Variants in FAM135B observed in about 807,000 individuals in gnomAD.
The protein encoded by FAM135B is protein FAM135B.
A neutral mutation model predicts 127.7 loss-of-function variants in FAM135B; 43 were observed. That is an observed-to-expected ratio of 0.34 (90% confidence interval 0.26 to 0.43). The LOEUF (loss-of-function observed/expected upper bound fraction) is 0.43. Ranked by LOEUF, FAM135B falls within the 20% of genes least tolerant of loss-of-function variation. FAM135B has a pLI of 1.00. For synonymous variants in FAM135B, 670 were observed against 665.1 expected, an observed-to-expected ratio of 1.01 and a Z score of -0.11; for missense variants, 1,558 against 1,725.6, an observed-to-expected ratio of 0.90 and a Z score of 1.72.
At chr8:138,276,184 C>G (rs2130710166) in intron 3 of FAM135B, among the ~76,000 whole-genome samples, 1 of 152,300 alleles carries the variant, frequency 6.6e-6, no homozygotes, top group East Asian at 1.9e-4. Flanking sequence ...CATCAGGAGA[C>G]TCAGCAAATT....
chr8:138,244,317 CA>C (rs2130412048), intron 6 of FAM135B, among the ~76,000 whole-genome samples: 1 of 152,112 alleles, frequency 6.6e-6, no homozygotes, highest in East Asian at 1.9e-4. Context: ...AGAATGTGTC[CA>C]GAGATGATCC....
chr8:138,399,005 C>T (rs1235426561), intron 1 of FAM135B, among the ~76,000 whole-genome samples: 1 of 152,162 alleles, frequency 6.6e-6, no homozygotes. Context: ...ACCACAATAC[C>T]TTGCTTATGC....
intron 2 of FAM135B, among the ~76,000 whole-genome samples, chr8:138,323,406 G>C (rs1827584966): frequency 6.6e-6 from 1 of 152,184 alleles, no homozygotes; most frequent in South Asian, 2.1e-4. Flanking sequence ...AAATAAAAGT[G>C]CACATTGGCA....
At chr8:138,333,795 C>T (rs183989739) in intron 2 of FAM135B, among the ~76,000 whole-genome samples, 64 of 152,302 alleles carry the variant, frequency 4.2e-4, no homozygotes, top group African/African-American at 1.4e-3. Flanking sequence ...CTCCTTGCTA[C>T]GAGAACTGTT....
rs2130393070 is a variant in FAM135B, at chr8:138,243,280, A to G, written c.543-212T>C. Reference sequence around the variant, plus strand: ...CACGTAAGCTTGAAAGTCAATGATGATACACATCCTACAATGTGTGCATGT... The same window carrying G: ...CACGTAAGCTTGAAAGTCAATGATGGTACACATCCTACAATGTGTGCATGT... On this transcript the variant is annotated intron_variant, in intron 6 of 19. Transcript: ENST00000395297. This position sits in a 1 kb window ranked among gnomAD's most constrained non-coding sequence, Gnocchi z 7.5. Among the ~76,000 whole-genome samples, 1 of 152,304 alleles carries G rather than the reference A, an allele frequency of 6.6e-6. No homozygotes were observed. Among genetic ancestry groups the G allele is most frequent in the East Asian group, 1.9e-4 (1 of 5,174 alleles).
intron 2 of FAM135B, among the ~76,000 whole-genome samples, chr8:138,344,573 CTTTCTTTT>C (rs1158499822): frequency 4.4e-5 from 5 of 113,608 alleles, no homozygotes; most frequent in Non-Finnish European, 5.3e-5. Context: ...CACTTTCTTT[CTTTCTTTT>C]TTTTTTTTTT....
intron 5 of FAM135B, among the ~76,000 whole-genome samples, chr8:138,254,381 G>A (rs1821920279): frequency 6.6e-6 from 1 of 152,192 alleles, no homozygotes; most frequent in Non-Finnish European, 1.5e-5. Flanking sequence ...TTTCTAGGCT[G>A]AGCTTGGAGT....
chr8:138,255,553 T>C (rs72723667), intron 5 of FAM135B, among the ~76,000 whole-genome samples: 18,802 of 152,198 alleles, frequency 0.12, 1,286 homozygotes, highest in Non-Finnish European at 0.15. Context: ...CGAGCAGGCT[T>C]GGCAGAGGAG....
At chr8:138,203,633 C>T (rs367750014) in intron 7 of FAM135B, among the ~76,000 whole-genome samples, 7 of 152,286 alleles carry the variant, frequency 4.6e-5, no homozygotes, top group African/African-American at 1.7e-4. Context: ...AAGGACTTTA[C>T]ACCTTAAAGC....
In FAM135B at chr8:138,384,267, A is replaced by G. The variant is rs148262473; in HGVS notation, c.-19-16265T>C. On this transcript the variant is annotated intron_variant, in intron 1 of 19. Transcript: ENST00000395297. ...AGTGACTGAACCCATCAAGGGTGTT[A>G]TGCACCTAACATCACTTCCTCCCCT... Among the ~76,000 whole-genome samples, 393 of 152,318 alleles carry G rather than the reference A, an allele frequency of 2.6e-3. 1 individual carries two copies. Among genetic ancestry groups the G allele is most frequent in the African/African-American group, 9.1e-3 (379 of 41,574 alleles).
chr8:138,327,760 T>A (rs1009586600), intron 2 of FAM135B, among the ~76,000 whole-genome samples: 4 of 152,110 alleles, frequency 2.6e-5, no homozygotes, highest in African/African-American at 7.2e-5. Flanking sequence ...CAAATTATAA[T>A]CGTAATCATA....
At chr8:138,375,643 T>G (rs538424445) in intron 1 of FAM135B, among the ~76,000 whole-genome samples, 2 of 152,334 alleles carry the variant, frequency 1.3e-5, no homozygotes, top group South Asian at 4.1e-4. Context: ...GTTAATTGTA[T>G]GAGTGTTTCA....
At chr8:138,307,645 A>G (rs962239481) in intron 3 of FAM135B, among the ~76,000 whole-genome samples, 2 of 151,258 alleles carry the variant, frequency 1.3e-5, no homozygotes, top group Non-Finnish European at 2.9e-5. Context: ...CCCATTTTGT[A>G]TCAAGCACTA....
chr8:138,492,800 C>T (rs1258567895), intron 1 of FAM135B, among the ~76,000 whole-genome samples: 1 of 152,126 alleles, frequency 6.6e-6, no homozygotes, highest in East Asian at 1.9e-4. Flanking sequence ...CCTTGACAGC[C>T]ACCACCTAGG....
intron 7 of FAM135B, among the ~76,000 whole-genome samples, chr8:138,222,670 T>C (rs546553102): frequency 7.0e-6 from 1 of 143,714 alleles, no homozygotes; most frequent in Non-Finnish European, 1.5e-5. Context: ...AGGATTTTTG[T>C]TGGTGGTGTT....
At chr8:138,225,447 CAAAAAAACAAA>C (rs1470377199) in intron 7 of FAM135B, among the ~76,000 whole-genome samples, 3 of 109,032 alleles carry the variant, frequency 2.8e-5, no homozygotes, top group Non-Finnish European at 3.9e-5. Flanking sequence ...CTATTTAAGC[CAAAAAAACAAA>C]AAAAAAACAA....
intron 2 of FAM135B, among the ~76,000 whole-genome samples, chr8:138,338,791 C>T (rs1020025180): frequency 6.6e-6 from 1 of 152,132 alleles, no homozygotes; most frequent in African/African-American, 2.4e-5. Flanking sequence ...AATCATGCTG[C>T]TATAAAGACA....
chr8:138,284,994 A>G (rs1488129805), intron 3 of FAM135B, among the ~76,000 whole-genome samples: 1 of 152,086 alleles, frequency 6.6e-6, no homozygotes, highest in Non-Finnish European at 1.5e-5. Flanking sequence ...TTATAAAGGC[A>G]TTAACTCATT....
At chr8:138,285,319 G>A (rs1824593565) in intron 3 of FAM135B, among the ~76,000 whole-genome samples, 2 of 151,784 alleles carry the variant, frequency 1.3e-5, no homozygotes, top group East Asian at 1.9e-4. Flanking sequence ...GCTAATTTTT[G>A]TATTTTCAGT....
Sources: gnomAD v4.1 joint callset for allele counts (sites outside exome capture counted in the v4.1 genomes callset) on GRCh38, gnomAD v4.1.1 for gene constraint, Gnocchi (gnomAD v3.1) non-coding constraint, MANE v1.5 for transcripts, NCBI Gene and HGNC (gene_info 2026-07-23, HGNC 2026-07-21) for gene names.